ABTB3: variants seen among roughly 807,000 people sequenced by gnomAD.
The protein encoded by ABTB3 is ankyrin repeat- and BTB/POZ domain-containing protein 3.
the ABTB3 span, among the ~76,000 whole-genome samples, chr12:107,457,157 C>T: frequency 2.0e-5 from 3 of 152,240 alleles, no homozygotes; most frequent in Non-Finnish European, 2.9e-5. Context: ...CCACCGTGCT[C>T]GGCCCTACAG....
chr12:107,515,380 G>A, the ABTB3 span, among the ~76,000 whole-genome samples: 438 of 152,292 alleles, frequency 2.9e-3, 4 homozygotes, highest in African/African-American at 9.9e-3. Flanking sequence ...CCCAGGTCTC[G>A]AGTCTCCTTT....
chr12:107,475,871 G>A, the ABTB3 span, among the ~76,000 whole-genome samples: 38,385 of 151,976 alleles, frequency 0.25, 5,578 homozygotes, highest in South Asian at 0.35. Context: ...AGGATGTCCC[G>A]ACAGCTGAAG....
the ABTB3 span, among the ~76,000 whole-genome samples, chr12:107,576,443 C>G: frequency 1.3e-5 from 2 of 152,192 alleles, no homozygotes; most frequent in Admixed American, 6.5e-5. Flanking sequence ...CATGGCCACC[C>G]TCTTGCCCCA....
the ABTB3 span, among the ~76,000 whole-genome samples, chr12:107,410,631 G>A: frequency 6.6e-6 from 1 of 152,164 alleles, no homozygotes; most frequent in Non-Finnish European, 1.5e-5. Context: ...AGATGGGGAG[G>A]ACTTGGACAG....
At chr12:107,578,036 G>T in the ABTB3 span, among the ~76,000 whole-genome samples, 1 of 152,030 alleles carries the variant, frequency 6.6e-6, no homozygotes, top group Non-Finnish European at 1.5e-5. Context: ...GAGAATGCAA[G>T]ATTTTTTCTT....
At chr12:107,584,686 G>A in the ABTB3 span, among the ~76,000 whole-genome samples, 1 of 152,208 alleles carries the variant, frequency 6.6e-6, no homozygotes, top group African/African-American at 2.4e-5. Flanking sequence ...GTTCCTGGTG[G>A]GAGGCAGCCT....
chr12:107,427,966 G>A, the ABTB3 span, among the ~76,000 whole-genome samples: 1 of 152,154 alleles, frequency 6.6e-6, no homozygotes, highest in African/African-American at 2.4e-5. Flanking sequence ...TTGCACACAA[G>A]TCAGAATCCC....
At chr12:107,431,445 C>T in the ABTB3 span, among the ~76,000 whole-genome samples, 4 of 152,094 alleles carry the variant, frequency 2.6e-5, no homozygotes, top group African/African-American at 9.7e-5. Flanking sequence ...CCTGTCTCTA[C>T]CAAAAATACA....
At chr12:107,594,425 G>C in the ABTB3 span, among the ~76,000 whole-genome samples, 1 of 152,124 alleles carries the variant, frequency 6.6e-6, no homozygotes, top group Non-Finnish European at 1.5e-5. Context: ...GTTCTTTTCT[G>C]TACTTCAGTA....
the ABTB3 span, chr12:107,543,808 G>T: frequency 1.3e-6 from 1 of 782,106 alleles, no homozygotes; most frequent in South Asian, 1.9e-5. Context: ...TGACTTCAAG[G>T]TCCCATTGAA....
chr12:107,643,402 C>CAAAAAAAA, the ABTB3 span, among the ~76,000 whole-genome samples: 1 of 79,536 alleles, frequency 1.3e-5, no homozygotes, highest in Non-Finnish European at 2.6e-5. Flanking sequence ...GACCCTATCT[C>CAAAAAAAA]AAAAAAAAAA....
At chr12:107,618,899 C>T in the ABTB3 span, among the ~76,000 whole-genome samples, 1 of 152,190 alleles carries the variant, frequency 6.6e-6, no homozygotes, top group Non-Finnish European at 1.5e-5. Context: ...TCCTGTTGAG[C>T]TTCAGAGGGC....
chr12:107,629,739 T>C, the ABTB3 span, among the ~76,000 whole-genome samples: 1 of 152,040 alleles, frequency 6.6e-6, no homozygotes, highest in Non-Finnish European at 1.5e-5. Flanking sequence ...TGTGCTTAAA[T>C]GTGCTGCTCA....
the ABTB3 span, among the ~76,000 whole-genome samples, chr12:107,505,126 G>A: frequency 6.6e-6 from 1 of 152,128 alleles, no homozygotes; most frequent in Non-Finnish European, 1.5e-5. Context: ...TTTCTTAAAT[G>A]GATGTATACC....
chr12:107,343,072 G>C, the ABTB3 span, among the ~76,000 whole-genome samples: 1 of 152,008 alleles, frequency 6.6e-6, no homozygotes, highest in East Asian at 1.9e-4. Flanking sequence ...TGGAGTGCAG[G>C]GGCACGATCA....
At chr12:107,560,305 A>G in the ABTB3 span, among the ~76,000 whole-genome samples, 1 of 152,348 alleles carries the variant, frequency 6.6e-6, no homozygotes, top group East Asian at 1.9e-4. Context: ...GAGAGTAGTC[A>G]GCTTGTAGTA....
At chr12:107,638,081 T>A in the ABTB3 span, among the ~76,000 whole-genome samples, 1 of 152,054 alleles carries the variant, frequency 6.6e-6, no homozygotes, top group Non-Finnish European at 1.5e-5. Context: ...ATTTCAGAAG[T>A]TCTGGGGGGA....
At chr12:107,491,923 C>T in the ABTB3 span, among the ~76,000 whole-genome samples, 1 of 151,762 alleles carries the variant, frequency 6.6e-6, no homozygotes, top group East Asian at 1.9e-4. Flanking sequence ...TTGTCTGGGA[C>T]TTTTTTTCTG....
At chr12:107,404,178 A>AAAAAAAG in the ABTB3 span, among the ~76,000 whole-genome samples, 1 of 149,668 alleles carries the variant, frequency 6.7e-6, no homozygotes, top group African/African-American at 2.5e-5. Flanking sequence ...AAAAAAAAAA[A>AAAAAAAG]AAAAAAAAAG....
Sources: gnomAD v4.1 joint callset for allele counts (sites outside exome capture counted in the v4.1 genomes callset) on GRCh38, gnomAD v4.1.1 for gene constraint, MANE v1.5 for transcripts, NCBI Gene and HGNC (gene_info 2026-07-23, HGNC 2026-07-21) for gene names.